NPAS2: variants seen among roughly 807,000 people sequenced by gnomAD.
NPAS2 encodes neuronal PAS domain protein 2.
In NPAS2, 23 loss-of-function variants were observed where a neutral mutation model predicts 107.5. The ratio of observed to expected loss-of-function variants is 0.21; its 90% confidence interval spans 0.15 to 0.30. The LOEUF is 0.30. Among genes scored for constraint, NPAS2 ranks in the 10% least tolerant of loss-of-function variants. NPAS2 has a pLI of 1.00. For missense variants in NPAS2, 756 were observed against 1,043.3 expected (o/e 0.72, Z 3.79); for synonymous variants, 403 against 417.5 (o/e 0.97, Z 0.42).
intron 7 of NPAS2, among the ~76,000 whole-genome samples, chr2:100,963,361 G>T (rs902753461): frequency 3.3e-5 from 5 of 151,930 alleles, no homozygotes; most frequent in Admixed American, 2.6e-4. Flanking sequence ...AACCGTTACT[G>T]CAGAATGAGG....
intron 1 of NPAS2, among the ~76,000 whole-genome samples, chr2:100,843,217 C>CAAAA (rs67274513): frequency 7.1e-6 from 1 of 141,522 alleles, no homozygotes; most frequent in Non-Finnish European, 1.5e-5. Context: ...GACTCTGTCT[C>CAAAA]AAAAAAAAAA....
chr2:100,918,313 T>C (rs974916090), intron 2 of NPAS2, among the ~76,000 whole-genome samples: 1 of 151,860 alleles, frequency 6.6e-6, no homozygotes, highest in African/African-American at 2.4e-5. Context: ...GAAGAAAAAA[T>C]AGAAAGTCTT....
intron 1 of NPAS2, chr2:100,821,137 C>T (rs1405946883): frequency 7.7e-7 from 1 of 1,304,638 alleles, no homozygotes; most frequent in African/African-American, 1.5e-5. Flanking sequence ...AAGGGACAGG[C>T]ACCACCCGGC....
chr2:100,875,461 TACA>T (rs1679898065), intron 1 of NPAS2, among the ~76,000 whole-genome samples: 1 of 143,568 alleles, frequency 7.0e-6, no homozygotes. Context: ...ATTAAAAGCT[TACA>T]CACACACACA....
intron 1 of NPAS2, among the ~76,000 whole-genome samples, chr2:100,872,868 C>T (rs904706283): frequency 2.6e-5 from 4 of 152,160 alleles, no homozygotes; most frequent in Non-Finnish European, 1.5e-5. Flanking sequence ...GCGTCTGTGG[C>T]ATCCTGAGAT....
intron 7 of NPAS2, among the ~76,000 whole-genome samples, chr2:100,953,800 G>A (rs562367353): frequency 7.9e-5 from 12 of 152,294 alleles, no homozygotes; most frequent in African/African-American, 1.9e-4. Context: ...ACACAGGCCC[G>A]CTCCGGCCTC....
At chr2:100,954,333 C>T (rs1675426147) in intron 7 of NPAS2, among the ~76,000 whole-genome samples, 1 of 152,148 alleles carries the variant, frequency 6.6e-6, no homozygotes, top group Non-Finnish European at 1.5e-5. Flanking sequence ...CCTCCAGCAC[C>T]AGCAAGGCCC....
intron 3 of NPAS2, among the ~76,000 whole-genome samples, chr2:100,928,782 C>A (rs570454634): frequency 6.6e-6 from 1 of 152,348 alleles, no homozygotes; most frequent in East Asian, 1.9e-4. Context: ...ATGAACTCTG[C>A]AGGCACCTGC....
Position 100,925,266 on chromosome 2 carries a change from G to A in NPAS2, c.153G>A (p.Lys51=). 1 of 1,614,106 alleles carries A rather than the reference G, an allele frequency of 6.2e-7. No individual in the cohort carries two copies. Residue 51 remains lysine (K), a synonymous_variant, in exon 3 of 21, where the codon AAG becomes AAA. Transcript: ENST00000335681. Reference sequence around the variant, plus strand: ...TGGACAAAACCACCGTGTTGGAAAAGGTCATCGGATTTTTGCAGAAACACA... The same window carrying A: ...TGGACAAAACCACCGTGTTGGAAAAAGTCATCGGATTTTTGCAGAAACACA... ...RKMDKTTVLE[K]VIGFLQKHNE...
intron 2 of NPAS2, among the ~76,000 whole-genome samples, chr2:100,920,839 A>G (rs1683178524): frequency 6.6e-6 from 1 of 152,212 alleles, no homozygotes; most frequent in Non-Finnish European, 1.5e-5. Context: ...CAGAAGACAA[A>G]CTGGAAATAT....
At chr2:100,901,969 T>TG (rs911257752) in intron 1 of NPAS2, among the ~76,000 whole-genome samples, 15 of 152,204 alleles carry the variant, frequency 9.9e-5, no homozygotes, top group African/African-American at 2.7e-4. Flanking sequence ...TTGTTCACTC[T>TG]GGGGGTTCAT....
rs1006257637 is a variant in NPAS2, at chr2:100,901,514, G to A, written c.-22-3219G>A. 1.7e-4 allele frequency: 172 copies of A among 985,124 alleles called. No individual in the cohort carries two copies. In the African/African-American group the frequency reaches 2.4e-3, roughly 14 times the overall value. 61.0% of individuals were successfully genotyped at this position (985,124 alleles called of 1,614,324 possible). A position where few individuals can be genotyped will look rare whatever the true frequency, so the allele number is the denominator to read the frequency against. ...GAGCCCCAGAGAGATGAATGTTACCGGGCGTGTTCCCTTCTCTCTTCCCTG... is the reference window on the plus strand; with the variant it reads ...GAGCCCCAGAGAGATGAATGTTACCAGGCGTGTTCCCTTCTCTCTTCCCTG... On this transcript the variant is annotated intron_variant, in intron 1 of 20. Coordinates refer to ENST00000335681, the MANE Select transcript of NPAS2 (RefSeq NM_002518.4).
chr2:100,823,077 G>A (rs1338454347), intron 1 of NPAS2, among the ~76,000 whole-genome samples: 1 of 152,160 alleles, frequency 6.6e-6, no homozygotes, highest in Non-Finnish European at 1.5e-5. Flanking sequence ...CAGAATAGAT[G>A]CTCAGTAAAT....
rs1053187604 is a variant in NPAS2, at chr2:100,860,474, T to C, written c.-23+40060T>C. On this transcript the variant is annotated intron_variant, in intron 1 of 20. Coordinates refer to ENST00000335681, the MANE Select transcript of NPAS2 (RefSeq NM_002518.4). ...GAGATATCCTGAGACTATGTAAATA[T>C]ATTGTTTCTCATCAAGCCTCACCCA... 3.9e-5 allele frequency among the ~76,000 whole-genome samples: 6 copies of C among 152,230 alleles called. No homozygotes were observed. The East Asian group carries it at 1.2e-3, about 29-fold the overall frequency.
chr2:100,981,528 T>G (rs1346777379), intron 15 of NPAS2, among the ~76,000 whole-genome samples: 1 of 151,994 alleles, frequency 6.6e-6, no homozygotes, highest in African/African-American at 2.4e-5. Flanking sequence ...CCAGAAAGGA[T>G]TAAGGGTCCA....
rs761578436 is a variant in NPAS2 at position 100,932,944 on chromosome 2, G to A, written c.216G>A (p.Gln72=). Residue 72 remains glutamine, a synonymous_variant, in exon 4 of 21, where the codon CAG becomes CAA. Transcript: ENST00000335681. The part of the protein sequence containing the change: ...VSAQTEICDI[Q]QDWKPSFLSN... ...CGCAAACGGAAATCTGTGACATTCA[G>A]CAAGACTGGAAGCCTTCATTCCTCA... 1 of 1,614,106 alleles carries A rather than the reference G, an allele frequency of 6.2e-7. No homozygotes were observed. Among genetic ancestry groups the A allele is most frequent in the Non-Finnish European group, 8.5e-7 (1 of 1,179,954 alleles).
rs551743280 is a variant in NPAS2 at position 100,839,251 on chromosome 2, C to CAGAGTAA, written c.-23+18837_-23+18838insAGAGTAA. Among the ~76,000 whole-genome samples the CAGAGTAA allele has an allele frequency of 2.6e-3, 403 of 152,278 alleles. 4 individuals carry two copies. Among genetic ancestry groups the CAGAGTAA allele is most frequent in the African/African-American group, 9.3e-3 (388 of 41,560 alleles). ...TCAAGGGATTCTCCTGCCTCAGCCTCCTGAGTAACAGGGACTACAGGTACC... is the reference window on the plus strand; with the variant it reads ...TCAAGGGATTCTCCTGCCTCAGCCTCAGAGTAACTGAGTAACAGGGACTACAGGTACC... On this transcript the variant is annotated intron_variant, in intron 1 of 20. Transcript: ENST00000335681.
chr2:100,822,056 A>C (rs990795897), intron 1 of NPAS2, among the ~76,000 whole-genome samples: 2 of 152,236 alleles, frequency 1.3e-5, no homozygotes, highest in African/African-American at 4.8e-5. Flanking sequence ...CGCTGCTTTT[A>C]GCCGTTTTCT....
At position 100,974,864 on chromosome 2, in the gene NPAS2, G is replaced by A. The variant is rs1676864321; in HGVS notation, c.1202G>A (p.Gly401Asp). The A allele has an allele frequency of 1.2e-6, 2 of 1,614,096 alleles. No homozygotes were observed. Among genetic ancestry groups the A allele is most frequent in the Non-Finnish European group, 1.7e-6 (2 of 1,179,988 alleles). The change falls in exon 13 of 21, where the codon GGC becomes GAC. Residue 401 changes from glycine to aspartate, a missense_variant. By Grantham distance (94) the Gly-to-Asp change is moderately conservative. Coordinates refer to ENST00000335681, the MANE Select transcript of NPAS2 (RefSeq NM_002518.4). ...HFNTLDVGASGLNTSHSPSAS... is the reference protein window; with the variant it reads ...HFNTLDVGASDLNTSHSPSAS... Reference sequence around the variant, plus strand: ...AACACACTCGACGTGGGTGCCTCGGGCCTTAATACCAGTCATTCGCCATCG... The same window carrying A: ...AACACACTCGACGTGGGTGCCTCGGACCTTAATACCAGTCATTCGCCATCG...
Sources: gnomAD v4.1 joint callset for allele counts (sites outside exome capture counted in the v4.1 genomes callset) on GRCh38, gnomAD v4.1.1 for gene constraint, MANE v1.5 for transcripts, NCBI Gene and HGNC (gene_info 2026-07-23, HGNC 2026-07-21) for gene names.